The following TPRG1 variants were observed in gnomAD, a reference collection of about 807,000 sequenced individuals.
The protein encoded by TPRG1 is tumor protein p63-regulated gene 1 protein.
TPRG1 carries 29 observed loss-of-function variants against 29.3 expected under a neutral mutation model. The ratio of observed to expected loss-of-function variants is 0.99; its 90% confidence interval spans 0.74 to 1.35. The LOEUF is 1.35. Ranked by LOEUF, TPRG1 falls within the 40% of genes most tolerant of loss-of-function variation. The pLI is 0.00. For missense variants in TPRG1, 327 were observed against 335.0 expected, an observed-to-expected ratio of 0.98 and a Z score of 0.19; for synonymous variants, 130 against 116.8, an observed-to-expected ratio of 1.11 and a Z score of -0.73.
exon 4 of TPRG1, chr3:189,147,616 A>G (rs183551385): frequency 2.9e-4 from 44 of 152,360 alleles, no homozygotes; most frequent in Admixed American, 2.5e-3. Flanking sequence ...CTTTGCTTCT[A>G]AGAAGTTCCA....
At chr3:189,077,196 AT>A (rs1276630246) in intron 4 of TPRG1, among the ~76,000 whole-genome samples, 2 of 152,146 alleles carry the variant, frequency 1.3e-5, no homozygotes, top group African/African-American at 4.8e-5. Flanking sequence ...ATGTATGAAA[AT>A]ATAAATCCAC....
intron 4 of TPRG1, among the ~76,000 whole-genome samples, chr3:189,294,018 A>G (rs1719457938): frequency 6.6e-6 from 1 of 152,122 alleles, no homozygotes; most frequent in Admixed American, 6.5e-5. Flanking sequence ...CTGTTTCCCT[A>G]TGAACACTAA....
At chr3:189,153,799 T>C (rs1479890138) in intron 5 of TPRG1, among the ~76,000 whole-genome samples, 2 of 152,132 alleles carry the variant, frequency 1.3e-5, no homozygotes, top group Non-Finnish European at 2.9e-5. Flanking sequence ...TTGGAAGGAA[T>C]AGAGGGCTGA....
chr3:189,243,460 C>G (rs960301904), intron 4 of TPRG1, among the ~76,000 whole-genome samples: 1 of 152,210 alleles, frequency 6.6e-6, no homozygotes, highest in African/African-American at 2.4e-5. Flanking sequence ...GAGTTGTTTT[C>G]CCTATTGTCC....
At chr3:189,139,299 C>T (rs1724201094) in intron 3 of TPRG1, among the ~76,000 whole-genome samples, 1 of 152,218 alleles carries the variant, frequency 6.6e-6, no homozygotes, top group Admixed American at 6.5e-5. Flanking sequence ...ACAGACCCTC[C>T]TCTGTGTAGC....
chr3:189,094,368 A>G (rs1303826810), intron 4 of TPRG1, among the ~76,000 whole-genome samples: 1 of 152,164 alleles, frequency 6.6e-6, no homozygotes, highest in African/African-American at 2.4e-5. Flanking sequence ...CCAACACTCC[A>G]TAACTGCCCC....
At chr3:189,043,533 C>G (rs1714766584) in intron 4 of TPRG1, among the ~76,000 whole-genome samples, 2 of 152,166 alleles carry the variant, frequency 1.3e-5, no homozygotes. Context: ...ATTTTCACCC[C>G]TGATGGAAGA....
chr3:189,000,508 G>A (rs1180511226), intron 1 of TPRG1, among the ~76,000 whole-genome samples: 1 of 151,780 alleles, frequency 6.6e-6, no homozygotes, highest in African/African-American at 2.4e-5. Flanking sequence ...AAACACTACT[G>A]AGCTATTTCT....
intron 4 of TPRG1, among the ~76,000 whole-genome samples, chr3:189,294,297 G>A (rs1576988311): frequency 1.3e-5 from 2 of 152,154 alleles, no homozygotes; most frequent in South Asian, 4.1e-4. Context: ...ATCCTATGGG[G>A]AAGTGGGGGA....
chr3:189,003,558 C>T (rs1486105591), intron 2 of TPRG1, among the ~76,000 whole-genome samples: 1 of 152,144 alleles, frequency 6.6e-6, no homozygotes, highest in Non-Finnish European at 1.5e-5. Flanking sequence ...AGTAGCTAAG[C>T]ACTCTAGGAT....
At chr3:189,305,492 T>C (rs891907351) in intron 4 of TPRG1, among the ~76,000 whole-genome samples, 2 of 152,232 alleles carry the variant, frequency 1.3e-5, no homozygotes, top group African/African-American at 4.8e-5. Context: ...GTATGAGCAG[T>C]TTCTACTGTA....
chr3:189,045,303 G>T (rs1714906713), intron 4 of TPRG1, among the ~76,000 whole-genome samples: 1 of 152,204 alleles, frequency 6.6e-6, no homozygotes, highest in African/African-American at 2.4e-5. Context: ...CAAAGTCCAG[G>T]TCCAATCTTC....
chr3:189,094,706 C>G (rs777239445), intron 4 of TPRG1, among the ~76,000 whole-genome samples: 1 of 152,126 alleles, frequency 6.6e-6, no homozygotes, highest in Non-Finnish European at 1.5e-5. Context: ...TATTGGCAGC[C>G]AATCCCAAAA....
chr3:189,302,372 C>T (rs958586703), intron 4 of TPRG1, among the ~76,000 whole-genome samples: 3 of 152,164 alleles, frequency 2.0e-5, no homozygotes, highest in African/African-American at 7.2e-5. Context: ...TTTCCCTGGA[C>T]TTCATGGAGG....
chr3:189,253,666 A>T (rs547402057), intron 4 of TPRG1, among the ~76,000 whole-genome samples: 1 of 152,094 alleles, frequency 6.6e-6, no homozygotes, highest in African/African-American at 2.4e-5. Context: ...GATCCTTGAG[A>T]AATTGCCACA....
chr3:189,087,561 T>G (rs1311224029), intron 4 of TPRG1, among the ~76,000 whole-genome samples: 1 of 152,232 alleles, frequency 6.6e-6, no homozygotes, highest in African/African-American at 2.4e-5. Flanking sequence ...TTTTGGTGTT[T>G]TAGACATTAA....
At chr3:189,005,501 G>A (rs1712242214) in intron 3 of TPRG1, among the ~76,000 whole-genome samples, 1 of 152,082 alleles carries the variant, frequency 6.6e-6, no homozygotes. Flanking sequence ...TTTTTATTGA[G>A]GACTTAGCCA....
At chr3:189,279,070 A>G (rs1280942172) in intron 4 of TPRG1, among the ~76,000 whole-genome samples, 1 of 152,252 alleles carries the variant, frequency 6.6e-6, no homozygotes, top group Non-Finnish European at 1.5e-5. Flanking sequence ...GATTTTATGA[A>G]CTATACAGTA....
At chr3:189,044,555 C>CA (rs11431509) in intron 4 of TPRG1, among the ~76,000 whole-genome samples, 1,669 of 98,660 alleles carry the variant, frequency 0.017, 16 homozygotes, top group Middle Eastern at 0.033. Context: ...AACTCCGTCT[C>CA]AAAAAAAAAA....
Sources: allele counts gnomAD v4.1 joint callset (sites outside exome capture counted in the v4.1 genomes callset), GRCh38; gene constraint gnomAD v4.1.1; transcripts MANE v1.5; gene names NCBI Gene and HGNC (gene_info 2026-07-23, HGNC 2026-07-21).